Variants in PROS1 observed in about 807,000 individuals in gnomAD.
PROS1 encodes protein S, also known as vitamin K-dependent protein S.
A neutral mutation model predicts 75.9 loss-of-function variants in PROS1; 29 were observed. The observed-to-expected ratio is 0.38, with a 90% CI of 0.28 to 0.52. PROS1 has a LOEUF of 0.52. Among genes scored for constraint, PROS1 ranks in the 20% least tolerant of loss-of-function variants. The probability of loss-of-function intolerance (pLI) is 0.83; values close to 1 mark genes in which losing one functional copy is unlikely to be tolerated. For synonymous variants in PROS1, 245 were observed against 280.6 expected (o/e 0.87, Z 1.27); for missense variants, 680 against 810.3 (o/e 0.84, Z 1.95).
In PROS1 at chr3:93,885,024, T is replaced by C. The variant is rs921388510; in HGVS notation, c.1324-128A>G. Reference sequence around the variant, plus strand: ...TAATAGTTGAAAATATTTTGAATTTTATTTAAGTTTTTCTTTTCAAAGTAT... The same window carrying C: ...TAATAGTTGAAAATATTTTGAATTTCATTTAAGTTTTTCTTTTCAAAGTAT... On this transcript the variant is annotated intron_variant, in intron 11 of 14. Transcript: ENST00000394236. 34 of 859,386 alleles carry C rather than the reference T, an allele frequency of 4.0e-5. No homozygotes were observed. In the African/African-American group the frequency reaches 5.0e-4, roughly 13 times the overall value. 53.2% of individuals were successfully genotyped at this position (859,386 alleles called of 1,614,324 possible). A position where few individuals can be genotyped will look rare whatever the true frequency, so the allele number is the denominator to read the frequency against.
chr3:93,914,272 C>T (rs1162617124), intron 3 of PROS1, among the ~76,000 whole-genome samples: 3 of 152,222 alleles, frequency 2.0e-5, no homozygotes, highest in African/African-American at 7.2e-5. Context: ...CAAGTCTTTG[C>T]CTGGACACCC....
chr3:93,917,117 G>T (rs986271367), intron 3 of PROS1, among the ~76,000 whole-genome samples: 1 of 152,106 alleles, frequency 6.6e-6, no homozygotes, highest in Admixed American at 6.5e-5. Context: ...TTCATACCCC[G>T]CCCCTTTGAC....
chr3:93,965,137 G>A (rs1005584574), intron 1 of PROS1, among the ~76,000 whole-genome samples: 3 of 152,172 alleles, frequency 2.0e-5, no homozygotes, highest in Admixed American at 1.3e-4. Context: ...CATTCGAGCC[G>A]GCAATGGCAA....
chr3:93,897,942 C>T (rs1292427014), intron 8 of PROS1, among the ~76,000 whole-genome samples: 1 of 152,050 alleles, frequency 6.6e-6, no homozygotes, highest in Admixed American at 6.6e-5. Flanking sequence ...TATACTTAAA[C>T]CCCACTAAAT....
intron 2 of PROS1, 29 bp from the exon 3 acceptor site, chr3:93,924,293 T>C (rs775866997): frequency 2.4e-6 from 3 of 1,232,950 alleles, no homozygotes; most frequent in Non-Finnish European, 3.3e-6. Context: ...AAACATATCT[T>C]AGCAAACCTA....
At chr3:93,952,946 A>C (rs1321201155) in intron 1 of PROS1, among the ~76,000 whole-genome samples, 1 of 152,200 alleles carries the variant, frequency 6.6e-6, no homozygotes, top group African/African-American at 2.4e-5. Flanking sequence ...GAAAACTATA[A>C]ACACCTCAAT....
At chr3:93,939,675 G>A (rs1709251285) in intron 1 of PROS1, among the ~76,000 whole-genome samples, 1 of 152,090 alleles carries the variant, frequency 6.6e-6, no homozygotes, top group African/African-American at 2.4e-5. Flanking sequence ...AAAGCAGTTA[G>A]TGTTTAGGCT....
At chr3:93,911,429 G>A (rs1708758511) in intron 3 of PROS1, among the ~76,000 whole-genome samples, 1 of 152,198 alleles carries the variant, frequency 6.6e-6, no homozygotes, top group Non-Finnish European at 1.5e-5. Flanking sequence ...ACAGTCACCA[G>A]CTTACTATAA....
intron 10 of PROS1, among the ~76,000 whole-genome samples, chr3:93,890,260 T>C (rs1364581758): frequency 6.6e-6 from 1 of 152,202 alleles, no homozygotes; most frequent in Non-Finnish European, 1.5e-5. Context: ...TTGTTTAAGA[T>C]GTTTATCAAG....
intron 1 of PROS1, among the ~76,000 whole-genome samples, chr3:93,942,662 C>A (rs1218193102): frequency 6.6e-6 from 1 of 152,224 alleles, no homozygotes; most frequent in Non-Finnish European, 1.5e-5. Flanking sequence ...AGGAAAATAT[C>A]TCCTTCCAGC....
rs538959101 is a variant in PROS1, at chr3:93,916,355, G to T, written c.260-5650C>A. On this transcript the variant is annotated intron_variant, in intron 3 of 14. Transcript: ENST00000394236. ...TTTACAGTGAATACAGCCAAAATTT[G>T]AAAGCTCTGAGGCTGGAGACCCAAG... 2.0e-5 allele frequency among the ~76,000 whole-genome samples: 3 copies of T among 152,300 alleles called. No individual in the cohort carries two copies. The South Asian group carries it at 6.2e-4, about 32-fold the overall frequency.
At chr3:93,969,471 G>A (rs1234960696) in intron 1 of PROS1, among the ~76,000 whole-genome samples, 7 of 152,130 alleles carry the variant, frequency 4.6e-5, no homozygotes, top group South Asian at 4.2e-4. Flanking sequence ...CTGTTCTTCC[G>A]GCACTCTGTG....
chr3:93,937,311 T>G (rs1454283218), intron 1 of PROS1, among the ~76,000 whole-genome samples: 1 of 152,082 alleles, frequency 6.6e-6, no homozygotes, highest in East Asian at 1.9e-4. Flanking sequence ...TTTCACAGTG[T>G]TCTTTTACAC....
intron 1 of PROS1, among the ~76,000 whole-genome samples, chr3:93,952,762 A>T (rs1709524554): frequency 6.6e-6 from 1 of 152,176 alleles, no homozygotes; most frequent in Admixed American, 6.5e-5. Context: ...GACACAAAAA[A>T]CCCTTCAAAA....
At chr3:93,947,204 C>A (rs908599182) in intron 1 of PROS1, among the ~76,000 whole-genome samples, 6 of 152,180 alleles carry the variant, frequency 3.9e-5, no homozygotes, top group African/African-American at 1.2e-4. Context: ...TAGGAAGGAA[C>A]ACTTTTACTC....
intron 1 of PROS1, among the ~76,000 whole-genome samples, chr3:93,964,478 C>G (rs1293299846): frequency 6.6e-6 from 1 of 152,106 alleles, no homozygotes; most frequent in Admixed American, 6.6e-5. Flanking sequence ...CCTGCAGTAC[C>G]CTCAGGCTTA....
intron 1 of PROS1, chr3:93,967,879 G>A (rs1287654465): frequency 1.3e-5 from 2 of 152,140 alleles, no homozygotes; most frequent in African/African-American, 2.4e-5. Context: ...GCAACAGAAT[G>A]AGGCCCTGTC....
intron 3 of PROS1, among the ~76,000 whole-genome samples, chr3:93,912,083 G>T (rs562857397): frequency 9.2e-5 from 14 of 152,250 alleles, no homozygotes; most frequent in Middle Eastern, 3.4e-3. Context: ...AAAATTTATT[G>T]TTTTACAGTG....
At chr3:93,913,883 A>G (rs1436913540) in intron 3 of PROS1, among the ~76,000 whole-genome samples, 2 of 152,242 alleles carry the variant, frequency 1.3e-5, no homozygotes, top group Non-Finnish European at 2.9e-5. Context: ...TGAGATAAGC[A>G]TGATAGACGT....
Sources: gnomAD v4.1 joint callset for allele counts (sites outside exome capture counted in the v4.1 genomes callset) on GRCh38, gnomAD v4.1.1 for gene constraint, MANE v1.5 for transcripts, NCBI Gene and HGNC (gene_info 2026-07-23, HGNC 2026-07-21) for gene names.